The following NPEPPS variants were observed in gnomAD, a reference collection of about 807,000 sequenced individuals.
The protein encoded by NPEPPS is puromycin-sensitive aminopeptidase.
A neutral mutation model predicts 115.5 loss-of-function variants in NPEPPS; 14 were observed. The observed-to-expected ratio is 0.12, with a 90% CI of 0.08 to 0.19. The LOEUF (loss-of-function observed/expected upper bound fraction) is 0.19. Ranked by LOEUF, NPEPPS falls within the 10% of genes least tolerant of loss-of-function variation. The pLI is 1.00. For synonymous variants in NPEPPS, 285 were observed against 390.6 expected (o/e 0.73, Z 3.19); for missense variants, 523 against 1,110.8 (o/e 0.47, Z 7.52).
At chr17:47,534,426 C>A (rs1308151469) in intron 1 of NPEPPS, among the ~76,000 whole-genome samples, 1 of 152,182 alleles carries the variant, frequency 6.6e-6, no homozygotes, top group Non-Finnish European at 1.5e-5. Context: ...GATATTGGAT[C>A]AGTTTCCTAA....
chr17:47,546,869 CTT>C (rs756888077), intron 2 of NPEPPS, among the ~76,000 whole-genome samples: 4 of 152,078 alleles, frequency 2.6e-5, no homozygotes, highest in Non-Finnish European at 5.9e-5. Flanking sequence ...CCAAGATTAA[CTT>C]ATTTTGTGAT....
At position 47,622,997 on chromosome 17, in the gene NPEPPS, C is replaced by A. The variant is rs1914685169; in HGVS notation, c.*1077C>A. ...AAAGACTGTAAGCCTGTGTGTGCCA[C>A]TGTTTGCTTCAACAGTATATCCTAA... On this transcript the variant is annotated 3_prime_UTR_variant, in exon 23 of 23. Transcript: ENST00000322157. 4.6e-6 allele frequency: 2 copies of A among 434,838 alleles called. No homozygotes were observed. The highest frequency in any genetic ancestry group is 2.6e-5 in the Admixed American group (1 of 38,626). 26.9% of individuals were successfully genotyped at this position (434,838 alleles called of 1,614,324 possible).
At chr17:47,559,525 A>C (rs1046642984) in intron 2 of NPEPPS, 1 of 312,492 alleles carries the variant, frequency 3.2e-6, no homozygotes, top group Non-Finnish European at 6.3e-6. Context: ...CATAGTAAGC[A>C]GGTATATGAA....
chr17:47,574,331 AT>A (rs1325550915), intron 3 of NPEPPS, among the ~76,000 whole-genome samples: 5 of 152,090 alleles, frequency 3.3e-5, no homozygotes, highest in African/African-American at 7.2e-5. Flanking sequence ...CCTAGCCAGT[AT>A]AGAAAATAAA....
rs1388289455 is a variant in NPEPPS at position 47,547,764 on chromosome 17, C to T, written c.340+1771C>T. Among the ~76,000 whole-genome samples the T allele has an allele frequency of 3.3e-5, 5 of 152,120 alleles. No homozygotes were observed. The East Asian group carries it at 5.8e-4, about 18-fold the overall frequency. ...ATTTACGGCCGGGCGCGGTGGCTCA[C>T]GCCTGTAATTCCAGCACTTTGGGAG... On this transcript the variant is annotated intron_variant, in intron 2 of 22. Transcript: ENST00000322157.
chr17:47,565,525 AAAG>A (rs1248823234), intron 2 of NPEPPS, among the ~76,000 whole-genome samples: 2 of 150,998 alleles, frequency 1.3e-5, no homozygotes, highest in Admixed American at 6.6e-5. Flanking sequence ...AAAAAAAAAA[AAAG>A]GTGATTCGAG....
At chr17:47,584,220 C>CG (rs146874360) in intron 5 of NPEPPS, among the ~76,000 whole-genome samples, 42,128 of 139,894 alleles carry the variant, frequency 0.3, 6,659 homozygotes, top group Admixed American at 0.39. Flanking sequence ...GACTCCATCT[C>CG]GGGGGAAAAA....
rs1178341655 is a variant in NPEPPS at position 47,544,935 on chromosome 17, C to A, written c.256-974C>A. On this transcript the variant is annotated intron_variant, in intron 1 of 22. Transcript: ENST00000322157. Reference sequence around the variant, plus strand: ...GGCCAGGCTGATCTCAAACTCCTGACCTCAAGTGATCCGCCTGCCTCGGCC... The same window carrying A: ...GGCCAGGCTGATCTCAAACTCCTGAACTCAAGTGATCCGCCTGCCTCGGCC... Among the ~76,000 whole-genome samples, 6 of 149,250 alleles carry A rather than the reference C, an allele frequency of 4.0e-5. No homozygotes were observed. The East Asian group carries it at 1.2e-3, about 29-fold the overall frequency.
At chr17:47,594,594 ATGTTATGTTATG>A (rs2143887350) in intron 12 of NPEPPS, among the ~76,000 whole-genome samples, 1 of 44,182 alleles carries the variant, frequency 2.3e-5, no homozygotes, top group Non-Finnish European at 4.9e-5. Context: ...ATTTTATTTT[ATGTTATGTTATG>A]TTATGTTATG....
At chr17:47,524,991 T>C (rs1239075219) in intron 1 of NPEPPS, among the ~76,000 whole-genome samples, 1 of 151,794 alleles carries the variant, frequency 6.6e-6, no homozygotes, top group Non-Finnish European at 1.5e-5. Context: ...CAGAGAAGCC[T>C]AGAAGCCTGT....
At chr17:47,539,758 G>A (rs1212803613) in intron 1 of NPEPPS, among the ~76,000 whole-genome samples, 1 of 152,056 alleles carries the variant, frequency 6.6e-6, no homozygotes, top group African/African-American at 2.4e-5. Flanking sequence ...TCTGCAAGTG[G>A]CTCTTTTCAA....
chr17:47,569,761 G>GT (rs1911084357), intron 3 of NPEPPS, among the ~76,000 whole-genome samples: 1 of 152,080 alleles, frequency 6.6e-6, no homozygotes, highest in African/African-American at 2.4e-5. Context: ...GGGATTACAG[G>GT]TGCCTACCAC....
At chr17:47,556,390 G>C (rs1910035732) in intron 2 of NPEPPS, among the ~76,000 whole-genome samples, 1 of 152,114 alleles carries the variant, frequency 6.6e-6, no homozygotes, top group Non-Finnish European at 1.5e-5. Flanking sequence ...AGAGAGCACC[G>C]GGTTGGGGGT....
chr17:47,558,574 C>A (rs370652779), intron 2 of NPEPPS, among the ~76,000 whole-genome samples: 1 of 150,554 alleles, frequency 6.6e-6, no homozygotes, highest in Non-Finnish European at 1.5e-5. Flanking sequence ...GGATTACATG[C>A]GCCTGCTACC....
At chr17:47,606,581 C>T (rs1211577324) in intron 17 of NPEPPS, among the ~76,000 whole-genome samples, 2 of 152,058 alleles carry the variant, frequency 1.3e-5, no homozygotes, top group Middle Eastern at 3.2e-3. Context: ...CCTCAGCCTC[C>T]CGAGTAGCAT....
chr17:47,616,283 G>A (rs559512883), intron 19 of NPEPPS, among the ~76,000 whole-genome samples: 3 of 152,166 alleles, frequency 2.0e-5, no homozygotes, highest in Non-Finnish European at 2.9e-5. Flanking sequence ...GGGGCCAGGC[G>A]TGGTGGTTCA....
Position 47,542,208 on chromosome 17 carries a change from G to A in NPEPPS, c.256-3701G>A, listed in dbSNP as rs543704445. Among the ~76,000 whole-genome samples the A allele has an allele frequency of 2.3e-3, 345 of 152,196 alleles. 2 individuals carry two copies. The highest frequency in any genetic ancestry group is 8.2e-3 in the African/African-American group (339 of 41,532). ...GAATTAGTTACCATTAATAAAAAAC[G>A]GGAGACTGCGCATGAAATCTGAATT... On this transcript the variant is annotated intron_variant, in intron 1 of 22. Transcript: ENST00000322157.
chr17:47,566,380 A>G (rs1910814209), intron 2 of NPEPPS, among the ~76,000 whole-genome samples: 1 of 150,282 alleles, frequency 6.7e-6, no homozygotes, highest in Non-Finnish European at 1.5e-5. Flanking sequence ...ATGACTAATG[A>G]TGCTGAACAC....
intron 2 of NPEPPS, among the ~76,000 whole-genome samples, chr17:47,554,874 C>T (rs1270367298): frequency 2.0e-5 from 3 of 152,110 alleles, no homozygotes; most frequent in Non-Finnish European, 2.9e-5. Flanking sequence ...ATGGATAGGT[C>T]GGAGAAAGGG....
Sources: allele counts gnomAD v4.1 joint callset (sites outside exome capture counted in the v4.1 genomes callset), GRCh38; gene constraint gnomAD v4.1.1; transcripts MANE v1.5; gene names NCBI Gene and HGNC (gene_info 2026-07-23, HGNC 2026-07-21).